Variants in GRN observed in about 807,000 individuals in gnomAD.
GRN encodes the protein progranulin.
Under a neutral mutation model 66.7 loss-of-function variants are expected in GRN, and 30 were observed. That is an observed-to-expected ratio of 0.45 (90% CI 0.34 to 0.61). The LOEUF (loss-of-function observed/expected upper bound fraction) is 0.61, where lower values mean the gene tolerates loss of function less well. Among genes scored for constraint, GRN ranks in the 20% least tolerant of loss-of-function variants. The pLI is 0.01. For synonymous variants in GRN, 327 were observed against 311.1 expected, an observed-to-expected ratio of 1.05 and a Z score of -0.54; for missense variants, 731 against 803.5, an observed-to-expected ratio of 0.91 and a Z score of 1.09.
chr17:44,352,350 TGC>T lies in GRN; in HGVS notation c.1425_1426del (p.Cys475Ter), dbSNP rs1381292135. On this transcript the variant is annotated frameshift_variant, in exon 12 of 13. Coordinates refer to ENST00000053867, the MANE Select transcript of GRN (RefSeq NM_002087.4). LOFTEE classifies it high-confidence loss of function. ...CTCCCTTCCCCGCCAGGCTGTGTGCTGCGAGGATCGCCAGCACTGCTGCCCGG... is the reference window on the plus strand; with the variant it reads ...CTCCCTTCCCCGCCAGGCTGTGTGCTGAGGATCGCCAGCACTGCTGCCCGG... ...ACCQLPHAVCCEDRQHCCPAG... is the reference protein window; with the variant it reads ...ACCQLPHAVCXEDRQHCCPAG... 1 of 1,613,166 alleles carries T rather than the reference TGC, an allele frequency of 6.2e-7. No homozygotes were observed. The highest frequency in any genetic ancestry group is 8.5e-7 in the Non-Finnish European group (1 of 1,179,830).
In GRN at chr17:44,352,997, C is replaced by T; in HGVS notation, c.*199C>T. On this transcript the variant is annotated 3_prime_UTR_variant, in exon 13 of 13. Transcript: ENST00000053867. ...TGGCAAAAGCCACATTACAAGCTGC[C>T]ATCCCCTCCCCGTTTCAGTGGACCC... 1.6e-6 allele frequency: 1 copy of T among 625,872 alleles called. No homozygotes were observed. Among genetic ancestry groups the T allele is most frequent in the Non-Finnish European group, 2.8e-6 (1 of 351,922 alleles). The allele number at this position is 625,872 out of a possible 1,614,324, so 38.8% of individuals were successfully genotyped here. A position where few individuals can be genotyped will look rare whatever the true frequency, so the allele number is the denominator to read the frequency against.
chr17:44,351,080 CTG>C lies in GRN; in HGVS notation c.759_760del (p.Cys253Ter), dbSNP rs63751035. On this transcript the variant is annotated frameshift_variant, in exon 8 of 13. Coordinates refer to ENST00000053867, the MANE Select transcript of GRN (RefSeq NM_002087.4). LOFTEE classifies it high-confidence loss of function. The stretch of plus-strand genomic sequence containing the variant: ...CACCTGCACTGCTGCCCCCAAGACA[CTG>C]TGTGTGACCTGATCCAGAGTAAGTG... The C allele has an allele frequency of 3.1e-6, 5 of 1,614,034 alleles. No homozygotes were observed. The highest frequency in any genetic ancestry group is 2.2e-5 in the South Asian group (2 of 91,080).
At position 44,350,877 on chromosome 17, in the gene GRN, G is replaced by A. The variant is rs2048366791; in HGVS notation, c.708+77G>A. The A allele has an allele frequency of 2.1e-6, 3 of 1,408,726 alleles. No individual in the cohort carries two copies. The East Asian group carries it at 6.8e-5, about 32-fold the overall frequency. 87.3% of individuals were successfully genotyped at this position (1,408,726 alleles called of 1,614,324 possible). ...CTGACACGCACCTTACAGGGGCTCT[G>A]TGGCATGGGGCTGGCTGGCTGCTTG... On this transcript the variant is annotated intron_variant, in intron 7 of 12. Transcript: ENST00000053867.
At chr17:44,348,941 A>G (rs897215929) in intron 1 of GRN, among the ~76,000 whole-genome samples, 1 of 152,244 alleles carries the variant, frequency 6.6e-6, no homozygotes, top group African/African-American at 2.4e-5. Flanking sequence ...TCATGCTTAC[A>G]GGTCCGCACA....
At chr17:44,348,973 CG>C (rs2048345575) in intron 1 of GRN, among the ~76,000 whole-genome samples, 184 bp from the exon 2 acceptor site, 3 of 152,260 alleles carry the variant, frequency 2.0e-5, no homozygotes, top group Admixed American at 2.0e-4. Context: ...GTGTCACACA[CG>C]GGGCGCTGTA....
intron 1 of GRN, among the ~76,000 whole-genome samples, chr17:44,346,868 C>T (rs1475299883): frequency 6.6e-6 from 1 of 152,178 alleles, no homozygotes; most frequent in Non-Finnish European, 1.5e-5. Context: ...GTAATCCCAC[C>T]ACTTTGGGAG....
At position 44,352,484 on chromosome 17, in the gene GRN, G is replaced by A; in HGVS notation, c.1557G>A (p.Val519=). ...GCCCTCACGTGGGTGTGAAGGACGT[G>A]GAGTGTGGGGAAGGACACTTCTGCC... ...ARSPHVGVKD[V]ECGEGHFCHD... Residue 519 remains valine, a synonymous_variant, in exon 12 of 13, where the codon GTG becomes GTA. Transcript: ENST00000053867. 1 of 1,614,022 alleles carries A rather than the reference G, an allele frequency of 6.2e-7. No individual in the cohort carries two copies. The highest frequency in any genetic ancestry group is 1.1e-5 in the South Asian group (1 of 91,082).
chr17:44,349,896 T>C (rs1567885994), intron 4 of GRN, 145 bp downstream of exon 4: 1 of 676,238 alleles, frequency 1.5e-6, no homozygotes, highest in Non-Finnish European at 2.7e-6. Flanking sequence ...AGCCCTGCTG[T>C]GGACAGAGGG....
intron 4 of GRN, chr17:44,350,025 C>T (rs961587520): frequency 3.3e-5 from 22 of 664,018 alleles, no homozygotes; most frequent in Non-Finnish European, 5.7e-5. Context: ...AGTGGGTGCC[C>T]CTTCCCCATG....
intron 10 of GRN, 93 bp downstream of exon 10, chr17:44,351,888 A>AG (rs2048378695): frequency 6.6e-7 from 1 of 1,506,228 alleles, no homozygotes. Context: ...GGTGATACCC[A>AG]GCTCTGACAG....
chr17:44,352,582 ACCC>A lies in GRN; in HGVS notation c.1644+14_1644+16del. 1 of 1,612,364 alleles carries A rather than the reference ACCC, an allele frequency of 6.2e-7. No individual in the cohort carries two copies. Reference sequence around the variant, plus strand: ...TGTCCCTACCGCCAGGTCAGTGCCAACCCCCATCCTGGGGCTGGGTATGGCCAG... The same window carrying A: ...TGTCCCTACCGCCAGGTCAGTGCCAACCATCCTGGGGCTGGGTATGGCCAG... On this transcript the variant is annotated intron_variant, in intron 12 of 12. Transcript: ENST00000053867.
In GRN at chr17:44,352,107, T is replaced by A; in HGVS notation, c.1272T>A (p.Ala424=). 1.2e-6 allele frequency: 2 copies of A among 1,613,782 alleles called. No individual in the cohort carries two copies. The highest frequency in any genetic ancestry group is 1.1e-5 in the South Asian group (1 of 91,084). ...GQCQRGSEIV[A]GLEKMPARRA... ...GTCAGCGAGGAAGCGAGATCGTGGC[T>A]GGACTGGAGAAGATGCCTGCCCGCC... Residue 424 remains alanine, a synonymous_variant, in exon 11 of 13, where the codon GCT becomes GCA. Coordinates refer to ENST00000053867, the MANE Select transcript of GRN (RefSeq NM_002087.4).
At chr17:44,346,569 T>C (rs985626601) in intron 1 of GRN, among the ~76,000 whole-genome samples, 15 of 152,090 alleles carry the variant, frequency 9.9e-5, no homozygotes, top group African/African-American at 3.6e-4. Flanking sequence ...TGTTGCACCA[T>C]TCCCAGGCAC....
chr17:44,350,454 G>A lies in GRN; in HGVS notation c.475G>A (p.Glu159Lys). 6.2e-7 allele frequency: 1 copy of A among 1,613,986 alleles called. No individual in the cohort carries two copies. The highest frequency in any genetic ancestry group is 8.5e-7 in the Non-Finnish European group (1 of 1,179,978). The change falls in exon 6 of 13, where the codon GAA (glutamate) becomes AAA (lysine). Residue 159 changes from glutamate to lysine, a missense_variant. Physicochemically the swap from Glu to Lys is moderately conservative, Grantham distance 56. Transcript: ENST00000053867. ...CCPMPQASCC[E>K]DRVHCCPHGA... ...CATTTTTTCTCAGGCTTCCTGCTGTGAAGACAGGGTGCACTGCTGTCCGCA... is the reference window on the plus strand; with the variant it reads ...CATTTTTTCTCAGGCTTCCTGCTGTAAAGACAGGGTGCACTGCTGTCCGCA...
rs534414307 is a variant in GRN at position 44,351,414 on chromosome 17, G to A, written c.887G>A (p.Cys296Tyr). 1 of 1,613,914 alleles carries A rather than the reference G, an allele frequency of 6.2e-7. No homozygotes were observed. Among genetic ancestry groups the A allele is most frequent in the South Asian group, 1.1e-5 (1 of 91,082 alleles). Reference protein sequence around the residue: ...MEVSCPDGYTCCRLQSGAWGC... With the variant: ...MEVSCPDGYTYCRLQSGAWGC... ...GTGAGCTGCCCAGATGGCTATACCT[G>A]CTGCCGTCTACAGTCGGGGGCCTGG... Residue 296 changes from cysteine (C) to tyrosine (Y), a missense_variant, in exon 9 of 13, where the codon TGC (cysteine) becomes TAC (tyrosine). This residue lies in a region of GRN where 42 missense variants were observed against 76.6 expected (regional missense o/e 0.55). Transcript: ENST00000053867.
In GRN at chr17:44,351,733, CCCT is replaced by C. The variant is rs754862784; in HGVS notation, c.1123_1125del (p.Ser375del). 5.0e-6 allele frequency: 8 copies of C among 1,613,610 alleles called. No individual in the cohort carries two copies. Among genetic ancestry groups the C allele is most frequent in the Non-Finnish European group, 8.5e-7 (1 of 1,179,884 alleles). On this transcript the variant is annotated inframe_deletion, in exon 10 of 13. Transcript: ENST00000053867. ...CCCCTGTGATAATGTCAGCAGCTGT[CCCT>C]CCTCCGATACCTGCTGCCAACTCAC...
rs1376914640 is a variant in GRN, at chr17:44,352,941, A to G, written c.*143A>G. 2 of 791,036 alleles carry G rather than the reference A, an allele frequency of 2.5e-6. No individual in the cohort carries two copies. Among genetic ancestry groups the G allele is most frequent in the Non-Finnish European group, 4.2e-6 (2 of 476,520 alleles). 49.0% of individuals were successfully genotyped at this position (791,036 alleles called of 1,614,324 possible). On this transcript the variant is annotated 3_prime_UTR_variant, in exon 13 of 13. Transcript: ENST00000053867. ...CATCACCATGGGAGGTGGGGCCTCA[A>G]TCTAAGGCCTTCCCTGTCAGAAGGG...
rs147495221 is a variant in GRN, at chr17:44,352,442, C to T, written c.1515C>T (p.Ala505=). Residue 505 remains alanine (A), a synonymous_variant, in exon 12 of 13, where the codon GCC becomes GCT. Coordinates refer to ENST00000053867, the MANE Select transcript of GRN (RefSeq NM_002087.4). ...CEKEVVSAQP[A]TFLARSPHVG... is the part of the protein sequence containing the mutation. ...AGGAAGTGGTCTCTGCCCAGCCTGC[C>T]ACCTTCCTGGCCCGTAGCCCTCACG... 173 of 1,614,142 alleles carry T rather than the reference C, an allele frequency of 1.1e-4. 1 individual carries two copies. In the African/African-American group the frequency reaches 1.3e-3, roughly 12 times the overall value.
chr17:44,351,538 CATCTGCCCTAGGCT>C lies in GRN; in HGVS notation c.934-11_936del. 6.2e-7 allele frequency: 1 copy of C among 1,614,038 alleles called. No individual in the cohort carries two copies. ...GCCCCAGTGCCCACCTGCCCTTCTT[CATCTGCCCTAGGCT>C]GTGTGCTGTGAGGACCACATACACT... On this transcript the variant is annotated splice_acceptor_variant and splice_polypyrimidine_tract_variant and coding_sequence_variant and intron_variant, in exon 10 of 13. Transcript: ENST00000053867. LOFTEE classifies it high-confidence loss of function.
Sources: allele counts gnomAD v4.1 joint callset (sites outside exome capture counted in the v4.1 genomes callset), GRCh38; gene constraint gnomAD v4.1.1; regional missense constraint gnomAD v4.1.1; transcripts MANE v1.5; gene names NCBI Gene and HGNC (gene_info 2026-07-23, HGNC 2026-07-21).